FAAH: variants seen among roughly 807,000 people sequenced by gnomAD.
FAAH encodes fatty-acid amide hydrolase 1.
Under a neutral mutation model 69.7 loss-of-function variants are expected in FAAH, and 63 were observed. That is an observed-to-expected ratio of 0.90 (90% CI 0.74 to 1.12). FAAH has a LOEUF of 1.12. Ranked by LOEUF, FAAH falls within the 50% of genes most tolerant of loss-of-function variation. The pLI is 0.00. For missense variants in FAAH, 680 were observed against 755.0 expected, an observed-to-expected ratio of 0.90 and a Z score of 1.16; for synonymous variants, 305 against 324.2, an observed-to-expected ratio of 0.94 and a Z score of 0.64.
intron 13 of FAAH, among the ~76,000 whole-genome samples, chr1:46,412,473 T>C (rs759427001): frequency 4.2e-4 from 64 of 152,030 alleles, no homozygotes; most frequent in Non-Finnish European, 8.1e-4. Context: ...AGAATCTAGT[T>C]TGGGGAGGTG....
chr1:46,401,759 T>C (rs2148446739), intron 1 of FAAH, among the ~76,000 whole-genome samples: 1 of 152,270 alleles, frequency 6.6e-6, no homozygotes, highest in Admixed American at 6.5e-5. Flanking sequence ...TAATCATCAG[T>C]CTGGAGCTAG....
At chr1:46,400,738 T>A (rs925319083) in intron 1 of FAAH, among the ~76,000 whole-genome samples, 1 of 127,060 alleles carries the variant, frequency 7.9e-6, no homozygotes, top group Non-Finnish European at 1.6e-5. Context: ...TCGGGCTGGG[T>A]AGGGGATCTG....
chr1:46,403,121 AC>A (rs1664733057), intron 2 of FAAH, among the ~76,000 whole-genome samples: 1 of 151,140 alleles, frequency 6.6e-6, no homozygotes, highest in Admixed American at 6.6e-5. Flanking sequence ...GGCGTGAGCC[AC>A]CATGCCCGAC....
intron 1 of FAAH, among the ~76,000 whole-genome samples, chr1:46,400,008 G>T (rs1327257982): frequency 6.6e-6 from 1 of 152,066 alleles, no homozygotes; most frequent in Non-Finnish European, 1.5e-5. Context: ...TAGTGTGTTT[G>T]GGGAGAAGTC....
At chr1:46,412,087 A>G in intron 12 of FAAH, 56 bp from the exon 13 acceptor site, 3 of 1,451,688 alleles carry the variant, frequency 2.1e-6, no homozygotes, top group Admixed American at 2.0e-5. Flanking sequence ...TGAGTTAAAG[A>G]GCCTGGGGTG....
chr1:46,398,484 G>A (rs1358404179), intron 1 of FAAH, among the ~76,000 whole-genome samples: 1 of 152,020 alleles, frequency 6.6e-6, no homozygotes, highest in Non-Finnish European at 1.5e-5. Flanking sequence ...ACAGCGATTT[G>A]TAGTAAAGCT....
intron 8 of FAAH, 142 bp downstream of exon 8, chr1:46,408,726 T>A: frequency 7.9e-7 from 1 of 1,273,760 alleles, no homozygotes; most frequent in Non-Finnish European, 1.1e-6. Flanking sequence ...GTGGGACAAG[T>A]ATATAGAGGG....
chr1:46,397,010 C>T (rs1280173615), intron 1 of FAAH, among the ~76,000 whole-genome samples: 1 of 152,212 alleles, frequency 6.6e-6, no homozygotes. Context: ...AGGGTTTCTT[C>T]CTTCCAGAGT....
chr1:46,396,065 G>A (rs1021564843), intron 1 of FAAH, among the ~76,000 whole-genome samples: 6 of 152,094 alleles, frequency 3.9e-5, no homozygotes, highest in Admixed American at 6.6e-5. Flanking sequence ...CTACCATCTC[G>A]GTGAGGGGGA....
At chr1:46,396,542 G>A (rs1664600815) in intron 1 of FAAH, among the ~76,000 whole-genome samples, 1 of 152,218 alleles carries the variant, frequency 6.6e-6, no homozygotes, top group Non-Finnish European at 1.5e-5. Flanking sequence ...GGGCAGAGGT[G>A]CCTGCAGCCT....
intron 7 of FAAH, among the ~76,000 whole-genome samples, chr1:46,406,800 G>T (rs934951962): frequency 2.0e-5 from 3 of 151,616 alleles, no homozygotes; most frequent in Non-Finnish European, 2.9e-5. Flanking sequence ...TAGAGACGGG[G>T]TTTCACCGTG....
chr1:46,399,000 CCT>C (rs1422346429), intron 1 of FAAH, among the ~76,000 whole-genome samples: 3 of 152,156 alleles, frequency 2.0e-5, no homozygotes, highest in Non-Finnish European at 4.4e-5. Flanking sequence ...CACCCTGCCC[CCT>C]GAATAAGTTT....
In FAAH at chr1:46,411,076, T is replaced by TG. The variant is rs1664905204; in HGVS notation, c.1316+227dup. ...CAAAGGCCTGAGGGGGACAAGAGGA[T>TG]GGGGGAGTTGGAGGGGAGGAGGTTG... is the stretch of plus-strand genomic sequence containing the variant. On this transcript the variant is annotated intron_variant, in intron 11 of 14. Transcript: ENST00000243167. This position sits in a 1 kb window ranked among gnomAD's most constrained non-coding sequence, Gnocchi z 4.8. 6.9e-6 allele frequency among the ~76,000 whole-genome samples: 1 copy of TG among 145,374 alleles called. No individual in the cohort carries two copies. The highest frequency in any genetic ancestry group is 2.6e-5 in the African/African-American group (1 of 39,044).
intron 1 of FAAH, among the ~76,000 whole-genome samples, chr1:46,401,516 C>A (rs2148446619): frequency 6.6e-6 from 1 of 152,218 alleles, no homozygotes; most frequent in Middle Eastern, 3.4e-3. Context: ...TTTTGCCCTT[C>A]CCTGCTAGAG....
In FAAH at chr1:46,411,508, G is replaced by A. The variant is rs6662982; in HGVS notation, c.1317-104G>A. The A allele has an allele frequency of 0.25, 311,438 of 1,229,810 alleles. 45,001 individuals are homozygous for A. Among genetic ancestry groups the A allele is most frequent in the Non-Finnish European group, 0.3 (254,267 of 847,798 alleles). 76.2% of individuals were successfully genotyped at this position (1,229,810 alleles called of 1,614,324 possible). The stretch of plus-strand genomic sequence containing the variant: ...CAGAGCTCCCATGGGGTTGTGAAGG[G>A]TCCACGGAGGGGTGAGATCTAGAGG... On this transcript the variant is annotated intron_variant, in intron 11 of 14. Transcript: ENST00000243167. This position sits in a 1 kb window ranked among gnomAD's most constrained non-coding sequence, Gnocchi z 4.8.
intron 1 of FAAH, among the ~76,000 whole-genome samples, chr1:46,400,070 A>G (rs145766243): frequency 3.9e-4 from 60 of 152,172 alleles, no homozygotes; most frequent in African/African-American, 1.4e-3. Context: ...AAAAAATCCA[A>G]AGTAAGTACT....
intron 7 of FAAH, among the ~76,000 whole-genome samples, chr1:46,406,690 C>T (rs921370901): frequency 6.8e-6 from 1 of 147,948 alleles, no homozygotes; most frequent in East Asian, 2.0e-4. Flanking sequence ...TCACGCCATT[C>T]TCCTGGGTTC....
rs889090385 is a variant in FAAH at position 46,408,481 on chromosome 1, T to C, written c.974T>C (p.Leu325Pro). 2 of 1,614,128 alleles carry C rather than the reference T, an allele frequency of 1.2e-6. No individual in the cohort carries two copies. Among genetic ancestry groups the C allele is most frequent in the Non-Finnish European group, 8.5e-7 (1 of 1,180,008 alleles). Residue 325 changes from leucine to proline, a missense_variant, in exon 8 of 15, where the codon CTG becomes CCG. Coordinates refer to ENST00000243167, the MANE Select transcript of FAAH (RefSeq NM_001441.3). ...CAGGTCTACACCAGCTCTCAGCCCCTGCGTGTGGGGTACTATGAGACTGAC... is the reference window on the plus strand; with the variant it reads ...CAGGTCTACACCAGCTCTCAGCCCCCGCGTGTGGGGTACTATGAGACTGAC... ...REEVYTSSQP[L>P]RVGYYETDNY... is the part of the protein sequence containing the mutation.
intron 1 of FAAH, among the ~76,000 whole-genome samples, chr1:46,397,895 AACGGTTTCG>A (rs1349746724): frequency 6.6e-6 from 1 of 150,382 alleles, no homozygotes; most frequent in Non-Finnish European, 1.5e-5. Flanking sequence ...TTTTAGTATA[AACGGTTTCG>A]TCATGTTGGC....
Sources: gnomAD v4.1 joint callset for allele counts (sites outside exome capture counted in the v4.1 genomes callset) on GRCh38, gnomAD v4.1.1 for gene constraint, Gnocchi (gnomAD v3.1) non-coding constraint, MANE v1.5 for transcripts, NCBI Gene and HGNC (gene_info 2026-07-23, HGNC 2026-07-21) for gene names.